Variants in TAFA2 observed in about 807,000 individuals in gnomAD.
The protein encoded by TAFA2 is chemokine-like protein TAFA-2.
Under a neutral mutation model 18.8 loss-of-function variants are expected in TAFA2, and 7 were observed. The ratio of observed to expected loss-of-function variants is 0.37; its 90% CI spans 0.21 to 0.70. The LOEUF (loss-of-function observed/expected upper bound fraction) is 0.70, where lower values mean the gene tolerates loss of function less well. TAFA2 is among the 30% of genes least tolerant of loss of function. The probability of loss-of-function intolerance (pLI) is 0.53; values close to 1 mark genes in which losing one functional copy is unlikely to be tolerated. For synonymous variants in TAFA2, 60 were observed against 54.2 expected (o/e 1.11, Z -0.47); for missense variants, 122 against 158.1 (o/e 0.77, Z 1.23).
intron 1 of TAFA2, among the ~76,000 whole-genome samples, chr12:61,973,053 A>G (rs1879304845): frequency 6.6e-6 from 1 of 151,726 alleles, no homozygotes; most frequent in Admixed American, 6.6e-5. Flanking sequence ...TGAATTATAC[A>G]AAAGAACAGT....
chr12:61,917,908 G>T (rs955396227), intron 1 of TAFA2, among the ~76,000 whole-genome samples: 1 of 151,326 alleles, frequency 6.6e-6, no homozygotes, highest in African/African-American at 2.5e-5. Flanking sequence ...ATTCAGGAGC[G>T]CTGTGAATCT....
intron 1 of TAFA2, among the ~76,000 whole-genome samples, chr12:61,977,672 C>G (rs942443312): frequency 1.3e-5 from 2 of 152,054 alleles, no homozygotes; most frequent in Admixed American, 1.3e-4. Flanking sequence ...CTTTTTAAAG[C>G]CTAGCTTTCT....
intron 1 of TAFA2, among the ~76,000 whole-genome samples, chr12:61,898,476 T>C (rs756420023): frequency 1.3e-5 from 2 of 152,334 alleles, no homozygotes; most frequent in East Asian, 1.9e-4. Flanking sequence ...CCGAAATCTA[T>C]GCGGAGGTTC....
chr12:61,818,312 G>A (rs1024044968), intron 2 of TAFA2, among the ~76,000 whole-genome samples: 15 of 151,786 alleles, frequency 9.9e-5, no homozygotes, highest in African/African-American at 3.6e-4. Context: ...ACACTGAATA[G>A]GTAAATGTGC....
intron 2 of TAFA2, among the ~76,000 whole-genome samples, chr12:61,832,950 T>C (rs1460892312): frequency 6.6e-6 from 1 of 150,688 alleles, no homozygotes; most frequent in Non-Finnish European, 1.5e-5. Context: ...ACTCAATACA[T>C]CTTTGTTGAG....
At chr12:61,865,218 T>C (rs886234915) in intron 2 of TAFA2, among the ~76,000 whole-genome samples, 6 of 152,196 alleles carry the variant, frequency 3.9e-5, no homozygotes, top group Non-Finnish European at 5.9e-5. Flanking sequence ...ACAGGTCAGA[T>C]ACACCAAAGG....
At chr12:62,059,179 G>A (rs978984847) in intron 1 of TAFA2, among the ~76,000 whole-genome samples, 2 of 145,402 alleles carry the variant, frequency 1.4e-5, no homozygotes, top group South Asian at 2.2e-4. Flanking sequence ...GTATCTGAGT[G>A]TTCTGGCATG....
intron 1 of TAFA2, among the ~76,000 whole-genome samples, chr12:61,970,411 A>G (rs1489628908): frequency 1.3e-5 from 2 of 151,704 alleles, no homozygotes; most frequent in Non-Finnish European, 3.0e-5. Flanking sequence ...GTCGGAAGCT[A>G]TAATTGTTAA....
chr12:61,757,656 G>A (rs762795330), intron 2 of TAFA2, among the ~76,000 whole-genome samples: 2 of 151,932 alleles, frequency 1.3e-5, no homozygotes, highest in East Asian at 1.9e-4. Flanking sequence ...ATCTAGATCT[G>A]GAATGGGAAG....
intron 1 of TAFA2, among the ~76,000 whole-genome samples, chr12:62,246,276 G>A (rs570854369): frequency 5.3e-5 from 8 of 152,154 alleles, no homozygotes; most frequent in Non-Finnish European, 1.0e-4. Flanking sequence ...GTGAGCCACC[G>A]TGCCCGGCCC....
chr12:61,998,223 G>A (rs1278081729), intron 1 of TAFA2, among the ~76,000 whole-genome samples: 1 of 152,092 alleles, frequency 6.6e-6, no homozygotes, highest in Non-Finnish European at 1.5e-5. Context: ...ATCAATATGA[G>A]GGGAAATAAC....
At chr12:61,747,257 A>C (rs940336685) in intron 4 of TAFA2, among the ~76,000 whole-genome samples, 1 of 147,844 alleles carries the variant, frequency 6.8e-6, no homozygotes, top group Non-Finnish European at 1.5e-5. Flanking sequence ...ACACTTTTAC[A>C]CTGTTGGTGG....
intron 1 of TAFA2, among the ~76,000 whole-genome samples, chr12:62,049,529 C>A (rs182632188): frequency 6.6e-6 from 1 of 152,182 alleles, no homozygotes; most frequent in African/African-American, 2.4e-5. Flanking sequence ...GGGAGAGCAA[C>A]TAAAACATTT....
At chr12:62,003,558 C>T (rs1880449411) in intron 1 of TAFA2, among the ~76,000 whole-genome samples, 1 of 152,162 alleles carries the variant, frequency 6.6e-6, no homozygotes, top group South Asian at 2.1e-4. Flanking sequence ...AAACTGCAAC[C>T]CATCCACCTC....
In TAFA2 at chr12:61,982,288, G is replaced by A. The variant is rs557120557; in HGVS notation, c.-1-114862C>T. Among the ~76,000 whole-genome samples, 58 of 152,192 alleles carry A rather than the reference G, an allele frequency of 3.8e-4. No individual in the cohort carries two copies. The South Asian group carries it at 4.6e-3, about 12-fold the overall frequency. On this transcript the variant is annotated intron_variant, in intron 1 of 4. Transcript: ENST00000416284. ...GGAACATCACACACCAGGGCCTGTC[G>A]TGGGGTGGGGGTCTGGGGGAGAGAT...
intron 1 of TAFA2, among the ~76,000 whole-genome samples, chr12:61,974,266 G>A (rs1158361103): frequency 6.6e-6 from 1 of 151,646 alleles, no homozygotes; most frequent in Non-Finnish European, 1.5e-5. Flanking sequence ...GAATATTACT[G>A]ATAGAAAAAG....
intron 1 of TAFA2, among the ~76,000 whole-genome samples, chr12:61,875,312 A>ACTTT (rs1442534872): frequency 2.0e-5 from 3 of 152,086 alleles, no homozygotes; most frequent in South Asian, 2.1e-4. Context: ...ACCCTAAACT[A>ACTTT]CTTTCTTTCT....
chr12:62,002,379 C>G (rs1880408044), intron 1 of TAFA2, among the ~76,000 whole-genome samples: 1 of 152,178 alleles, frequency 6.6e-6, no homozygotes. Flanking sequence ...CCCCGCTGAG[C>G]ACCCTGCCTC....
intron 1 of TAFA2, among the ~76,000 whole-genome samples, chr12:62,042,744 C>G (rs560671959): frequency 6.6e-6 from 1 of 152,110 alleles, no homozygotes; most frequent in East Asian, 1.9e-4. Flanking sequence ...TGTATTGAAC[C>G]ACACATATCA....
Sources: allele counts gnomAD v4.1 joint callset (sites outside exome capture counted in the v4.1 genomes callset), GRCh38; gene constraint gnomAD v4.1.1; transcripts MANE v1.5; gene names NCBI Gene and HGNC (gene_info 2026-07-23, HGNC 2026-07-21).